The following CBFA2T3 variants were observed in gnomAD, a reference collection of about 807,000 sequenced individuals.
CBFA2T3 encodes the protein CBFA2/RUNX1 partner transcriptional co-repressor 3, also known as transcriptional corepressor CBFA2T3.
Under a neutral mutation model 58.6 loss-of-function variants are expected in CBFA2T3, and 31 were observed. The observed-to-expected ratio is 0.53, with a 90% CI of 0.40 to 0.71. The LOEUF is 0.71. CBFA2T3 is among the 30% of genes least tolerant of loss of function. The pLI is 0.00. For missense variants in CBFA2T3, 1,076 were observed against 963.1 expected (o/e 1.12, Z -1.55); for synonymous variants, 531 against 421.9 (o/e 1.26, Z -3.17).
Position 88,877,132 on chromosome 16 carries a change from C to T in CBFA2T3, c.1806G>A (p.Val602=), listed in dbSNP as rs1194939282. 1.3e-6 allele frequency: 2 copies of T among 1,549,534 alleles called. No individual in the cohort carries two copies. Among genetic ancestry groups the T allele is most frequent in the East Asian group, 2.4e-5 (1 of 40,974 alleles). Residue 602 remains valine, a synonymous_variant, in exon 12 of 12, where the codon GTG becomes GTA. Coordinates refer to ENST00000268679, the MANE Select transcript of CBFA2T3 (RefSeq NM_005187.6). ...CGQSLQGPTA[V]VADPVPGPPE... is the part of the protein sequence containing the mutation. Reference sequence around the variant, plus strand: ...GCGGTCCAGGCACCGGGTCGGCCACCACGGCTGTGGGGCCCTGCAGGCTCT... The same window carrying T: ...GCGGTCCAGGCACCGGGTCGGCCACTACGGCTGTGGGGCCCTGCAGGCTCT...
intron 1 of CBFA2T3, among the ~76,000 whole-genome samples, chr16:88,905,916 G>GCTGGCTGGGCAGGGAGGCA (rs1970310535): frequency 6.6e-6 from 1 of 151,838 alleles, no homozygotes; most frequent in Non-Finnish European, 1.5e-5. Flanking sequence ...TTTCCTTGGC[G>GCTGGCTGGGCAGGGAGGCA]CTGGCTGGGC....
In CBFA2T3 at chr16:88,876,961, C is replaced by G; in HGVS notation, c.*15G>C. On this transcript the variant is annotated 3_prime_UTR_variant, in exon 12 of 12. Coordinates refer to ENST00000268679, the MANE Select transcript of CBFA2T3 (RefSeq NM_005187.6). ...TGGCACGGTGCTGTGTCCGGCAGGC[C>G]AGGGGCCAGTGGGGTCAGCGGGGCA... The G allele has an allele frequency of 1.4e-6, 2 of 1,418,340 alleles. No homozygotes were observed. The highest frequency in any genetic ancestry group is 1.8e-6 in the Non-Finnish European group (2 of 1,091,542). 87.9% of individuals were successfully genotyped at this position (1,418,340 alleles called of 1,614,324 possible).
intron 1 of CBFA2T3, among the ~76,000 whole-genome samples, chr16:88,942,973 T>G (rs1354341045): frequency 2.0e-5 from 3 of 152,100 alleles, no homozygotes; most frequent in Admixed American, 6.5e-5. Context: ...TTGCCTAAGG[T>G]TACCGATTTT....
rs368445650 is a variant in CBFA2T3 at position 88,896,600 on chromosome 16, C to T, written c.379+1478G>A. 2.2e-3 allele frequency among the ~76,000 whole-genome samples: 339 copies of T among 152,294 alleles called. 2 individuals are homozygous for T. The highest frequency in any genetic ancestry group is 7.8e-3 in the African/African-American group (326 of 41,558). ...ACACGGTGGACTGTGACACACACAC[C>T]CCGTCAAGACTGAGGATAGCCACTT... On this transcript the variant is annotated intron_variant, in intron 3 of 11. Coordinates refer to ENST00000268679, the MANE Select transcript of CBFA2T3 (RefSeq NM_005187.6).
At chr16:88,960,735 G>A (rs574916335) in intron 1 of CBFA2T3, among the ~76,000 whole-genome samples, 3 of 152,156 alleles carry the variant, frequency 2.0e-5, no homozygotes, top group African/African-American at 7.2e-5. Flanking sequence ...CACTGGCCTG[G>A]GCCACCCGCC....
At chr16:88,916,439 T>C (rs536823272) in intron 1 of CBFA2T3, among the ~76,000 whole-genome samples, 4 of 152,280 alleles carry the variant, frequency 2.6e-5, no homozygotes, top group East Asian at 3.9e-4. Context: ...CGTGTGTGTG[T>C]GCACTCACGT....
chr16:88,936,221 G>A (rs918024094), intron 1 of CBFA2T3, among the ~76,000 whole-genome samples: 8 of 152,336 alleles, frequency 5.3e-5, no homozygotes, highest in African/African-American at 1.4e-4. Context: ...CCTCCTGACT[G>A]CCCCGGGCAT....
chr16:88,905,761 A>AG, intron 1 of CBFA2T3, among the ~76,000 whole-genome samples: 1 of 67,746 alleles, frequency 1.5e-5, no homozygotes, highest in Non-Finnish European at 2.9e-5. Context: ...GGGCTGAAGG[A>AG]CGGTGGGGAT....
At chr16:88,936,862 G>A (rs1052510379) in intron 1 of CBFA2T3, 1 of 152,298 alleles carries the variant, frequency 6.6e-6, no homozygotes, top group African/African-American at 2.4e-5. Context: ...TGAGTCCCCA[G>A]CTCCCACCCT....
At chr16:88,919,864 C>T (rs912520337) in intron 1 of CBFA2T3, among the ~76,000 whole-genome samples, 1 of 152,204 alleles carries the variant, frequency 6.6e-6, no homozygotes, top group Non-Finnish European at 1.5e-5. Context: ...TCCTGGGCCT[C>T]GGTTCCTTCA....
intron 1 of CBFA2T3, chr16:88,941,124 G>A: frequency 1.0e-6 from 1 of 984,270 alleles, no homozygotes; most frequent in Non-Finnish European, 1.2e-6. Flanking sequence ...CCACGACTCA[G>A]GGGCGGCTGC....
chr16:88,918,083 T>C (rs1461488497), intron 1 of CBFA2T3, among the ~76,000 whole-genome samples: 1 of 152,126 alleles, frequency 6.6e-6, no homozygotes, highest in Admixed American at 6.5e-5. Flanking sequence ...ATGGCCAGGC[T>C]GTGCAGGAAG....
chr16:88,884,834 C>T (rs911970508), intron 7 of CBFA2T3: 2 of 473,198 alleles, frequency 4.2e-6, no homozygotes, highest in Admixed American at 4.0e-5. Context: ...CCGCCCACCC[C>T]GGGGGGAGAG....
intron 1 of CBFA2T3, among the ~76,000 whole-genome samples, chr16:88,956,370 G>C (rs1352228883): frequency 6.6e-6 from 1 of 152,260 alleles, no homozygotes; most frequent in Non-Finnish European, 1.5e-5. Context: ...GACACAGCGT[G>C]TCCGCCTGCT....
Position 88,977,080 on chromosome 16 carries a change from G to T in CBFA2T3, c.-273C>A, listed in dbSNP as rs545930563. On this transcript the variant is annotated 5_prime_UTR_variant, in exon 1 of 12. Transcript: ENST00000268679. ...GGGAAGGTCTCCCTGCAGCCTGCGG[G>T]TGAGGCAGCCAGCTGTGTCCCCGTG... is the stretch of plus-strand genomic sequence containing the variant. 2.5e-5 allele frequency: 10 copies of T among 398,036 alleles called. No homozygotes were observed. In the South Asian group the frequency reaches 6.0e-4, roughly 24 times the overall value. 24.7% of individuals were successfully genotyped at this position (398,036 alleles called of 1,614,324 possible).
At chr16:88,959,991 T>C (rs942398727) in intron 1 of CBFA2T3, among the ~76,000 whole-genome samples, 3 of 152,032 alleles carry the variant, frequency 2.0e-5, no homozygotes, top group Admixed American at 1.3e-4. Flanking sequence ...ATTGCACCAC[T>C]GCACTCCAGC....
Position 88,945,340 on chromosome 16 carries a change from G to A in CBFA2T3, c.151+31317C>T, listed in dbSNP as rs908344860. Among the ~76,000 whole-genome samples the A allele has an allele frequency of 7.3e-4, 111 of 152,218 alleles. 1 individual carries two copies. Among genetic ancestry groups the A allele is most frequent in the African/African-American group, 2.4e-3 (101 of 41,506 alleles). ...GGATTTCATTAAAATTTCATACTTC[G>A]GCTCTGCAAAAGACACTATGAAGAG... On this transcript the variant is annotated intron_variant, in intron 1 of 11. Transcript: ENST00000268679.
intron 1 of CBFA2T3, among the ~76,000 whole-genome samples, chr16:88,903,662 G>C (rs1381480126): frequency 3.2e-5 from 4 of 124,208 alleles, no homozygotes; most frequent in African/African-American, 6.6e-5. Context: ...TCCCGGCTGG[G>C]GGGGGGGGCG....
At chr16:88,879,567 A>C in intron 10 of CBFA2T3, 107 bp from the exon 11 acceptor site, 3 of 964,284 alleles carry the variant, frequency 3.1e-6, no homozygotes, top group Non-Finnish European at 4.8e-6. Context: ...TGTGCAGCTG[A>C]ACACACGTAC....
Sources: allele counts gnomAD v4.1 joint callset (sites outside exome capture counted in the v4.1 genomes callset), GRCh38; gene constraint gnomAD v4.1.1; transcripts MANE v1.5; gene names NCBI Gene and HGNC (gene_info 2026-07-23, HGNC 2026-07-21).